TRPM1: variants seen among roughly 807,000 people sequenced by gnomAD.
TRPM1 encodes the protein TRPM1-203 APA Isoform, Intron 10.
In TRPM1, 113 loss-of-function variants were observed where a neutral mutation model predicts 149.4. That is an observed-to-expected ratio of 0.76 (90% CI 0.65 to 0.88). The LOEUF (loss-of-function observed/expected upper bound fraction) is 0.88. Ranked by LOEUF, TRPM1 falls within the 40% of genes least tolerant of loss-of-function variation. TRPM1 has a pLI of 0.00. For missense variants in TRPM1, 1,976 were observed against 2,038.7 expected (o/e 0.97, Z 0.59); for synonymous variants, 741 against 759.5 (o/e 0.98, Z 0.40).
At chr15:31,128,183 G>A (rs1043131138) in intron 1 of TRPM1, among the ~76,000 whole-genome samples, 1 of 152,106 alleles carries the variant, frequency 6.6e-6, no homozygotes. Flanking sequence ...ACTGTCTCTG[G>A]GGGCAACCAA....
Position 31,021,687 on chromosome 15 carries a change from C to T in TRPM1, c.3629+4452G>A, listed in dbSNP as rs77343417. Among the ~76,000 whole-genome samples, 889 of 149,518 alleles carry T rather than the reference C, an allele frequency of 5.9e-3. 8 individuals are homozygous for T. The highest frequency in any genetic ancestry group is 0.021 in the African/African-American group (839 of 40,484). On this transcript the variant is annotated intron_variant, in intron 27 of 27. Transcript: ENST00000256552. ...CTCCAGCCTGGGCAACAAAGCAGTA[C>T]CCTGTCTCTAGAATTAAAAAAAAAA...
intron 1 of TRPM1, among the ~76,000 whole-genome samples, chr15:31,147,562 T>C (rs1165513227): frequency 6.6e-6 from 1 of 152,188 alleles, no homozygotes; most frequent in East Asian, 1.9e-4. Context: ...GAACTGGGGT[T>C]TGGACTAAGG....
chr15:31,143,399 G>T (rs1040376912), intron 1 of TRPM1, among the ~76,000 whole-genome samples: 16 of 151,992 alleles, frequency 1.1e-4, no homozygotes, highest in South Asian at 2.1e-4. Flanking sequence ...TTGTTTTGTT[G>T]TGTTTTGTTT....
intron 1 of TRPM1, among the ~76,000 whole-genome samples, chr15:31,146,902 C>T (rs185803492): frequency 1.3e-5 from 2 of 152,016 alleles, no homozygotes; most frequent in East Asian, 1.9e-4. Flanking sequence ...GCAGGAGAAT[C>T]GCTTGAACCC....
chr15:31,113,979 C>T (rs1432624446), intron 1 of TRPM1, among the ~76,000 whole-genome samples: 1 of 152,122 alleles, frequency 6.6e-6, no homozygotes, highest in Non-Finnish European at 1.5e-5. Flanking sequence ...CTGATTGGTC[C>T]ATTTTACAGA....
At position 31,156,870 on chromosome 15, in the gene TRPM1, A is replaced by T. The variant is rs1304847640; in HGVS notation, c.54+4036T>A. On this transcript the variant is annotated intron_variant, in intron 1 of 26. Coordinates refer to the TRPM1 transcript ENST00000542188. ...AACCATCTCCACTTTGAAGAGATGTATGTATTTATTTTGGATTTCCCTTGT... is the reference window on the plus strand; with the variant it reads ...AACCATCTCCACTTTGAAGAGATGTTTGTATTTATTTTGGATTTCCCTTGT... Among the ~76,000 whole-genome samples the T allele has an allele frequency of 3.3e-5, 5 of 152,156 alleles. No homozygotes were observed. In the East Asian group the frequency reaches 9.6e-4, roughly 29 times the overall value.
rs575940692 is a variant in TRPM1 at position 31,013,428 on chromosome 15, T to C, written c.3630-10358A>G. ...CTTATTTGGTGAAAAATCCTTCTCATACTTTCCTTTAGTTCTTTAGAGATG... is the reference window on the plus strand; with the variant it reads ...CTTATTTGGTGAAAAATCCTTCTCACACTTTCCTTTAGTTCTTTAGAGATG... On this transcript the variant is annotated intron_variant, in intron 27 of 27. Transcript: ENST00000256552. Among the ~76,000 whole-genome samples, 19 of 152,284 alleles carry C rather than the reference T, an allele frequency of 1.2e-4. No individual in the cohort carries two copies. In the South Asian group the frequency reaches 3.9e-3, roughly 32 times the overall value.
chr15:31,048,514 T>C (rs1417912076), intron 13 of TRPM1, among the ~76,000 whole-genome samples: 2 of 152,130 alleles, frequency 1.3e-5, no homozygotes, highest in African/African-American at 4.8e-5. Flanking sequence ...ATTCATCAAG[T>C]TGGCCAGAAT....
intron 1 of TRPM1, among the ~76,000 whole-genome samples, chr15:31,157,018 T>G (rs2036387468): frequency 6.6e-6 from 1 of 151,798 alleles, no homozygotes; most frequent in Non-Finnish European, 1.5e-5. Flanking sequence ...GCTCAAGTAG[T>G]CCTCCCACCT....
At chr15:31,041,915 T>A (rs2033627866) in intron 17 of TRPM1, 36 bp downstream of exon 17, 11 of 1,612,558 alleles carry the variant, frequency 6.8e-6, no homozygotes, top group Non-Finnish European at 9.3e-6. Context: ...AGGATGGTCA[T>A]CTCTCCTGGC....
intron 1 of TRPM1, among the ~76,000 whole-genome samples, chr15:31,138,232 CA>C (rs2036115581): frequency 6.6e-6 from 1 of 152,100 alleles, no homozygotes; most frequent in South Asian, 2.1e-4. Context: ...GCCGCCCTCA[CA>C]AAGATTTTGA....
chr15:31,122,015 G>A (rs1304907309), intron 1 of TRPM1, among the ~76,000 whole-genome samples: 1 of 152,142 alleles, frequency 6.6e-6, no homozygotes, highest in African/African-American at 2.4e-5. Context: ...TCCCAGATAT[G>A]CAAGGCTGAT....
In TRPM1 at chr15:31,131,493, C is replaced by T. The variant is rs150346898; in HGVS notation, c.54+29413G>A. Among the ~76,000 whole-genome samples, 12 of 152,282 alleles carry T rather than the reference C, an allele frequency of 7.9e-5. No homozygotes were observed. In the East Asian group the frequency reaches 1.5e-3, roughly 20 times the overall value. ...GTCGCACTTCAAACTGCCAAAGTTTCGGCCACCATGTGCGATAAGAGCTTA... is the reference window on the plus strand; with the variant it reads ...GTCGCACTTCAAACTGCCAAAGTTTTGGCCACCATGTGCGATAAGAGCTTA... On this transcript the variant is annotated intron_variant, in intron 1 of 26. Transcript: ENST00000542188.
chr15:31,148,432 T>A (rs763101256), intron 1 of TRPM1, among the ~76,000 whole-genome samples: 1 of 152,128 alleles, frequency 6.6e-6, no homozygotes, highest in African/African-American at 2.4e-5. Context: ...GAACGCTCCA[T>A]CCTGATTATG....
chr15:31,038,229 A>G, intron 18 of TRPM1, 63 bp from the exon 19 acceptor site: 1 of 1,582,308 alleles, frequency 6.3e-7, no homozygotes, highest in South Asian at 1.1e-5. Flanking sequence ...CAGCATAGTT[A>G]AAATTTTTAA....
chr15:31,041,353 T>C (rs564990416), intron 17 of TRPM1, among the ~76,000 whole-genome samples: 34 of 152,228 alleles, frequency 2.2e-4, no homozygotes, highest in Admixed American at 2.0e-3. Context: ...GGTTTCACCA[T>C]GTTAGCCAGG....
intron 1 of TRPM1, among the ~76,000 whole-genome samples, chr15:31,137,483 A>G (rs1164893717): frequency 6.6e-6 from 1 of 152,212 alleles, no homozygotes; most frequent in Non-Finnish European, 1.5e-5. Context: ...GTGAACACAA[A>G]ACTGGTTATC....
At chr15:31,021,793 G>A (rs2140892212) in intron 27 of TRPM1, among the ~76,000 whole-genome samples, 1 of 151,298 alleles carries the variant, frequency 6.6e-6, no homozygotes, top group Middle Eastern at 3.5e-3. Flanking sequence ...GGGGGAATCA[G>A]AAAATGCTAT....
rs1465492944 is a variant in TRPM1, at chr15:31,002,729, C to A, written c.3971G>T (p.Cys1324Phe). ...SPGTGVRKKT[C>F]SFRIKEEKDV... is the part of the protein sequence containing the mutation. ...CTTCTCTTCCTTTATACGGAAGGAA[C>A]AGGTTTTTTTCCTGACTCCTGTCCC... Residue 1324 changes from cysteine (C) to phenylalanine (F), a missense_variant, in exon 28 of 28, where the codon TGT becomes TTT. This residue lies in a region of TRPM1 where 572 missense variants were observed against 578.9 expected (regional missense o/e 0.99). Coordinates refer to ENST00000256552, the MANE Select transcript of TRPM1 (RefSeq NM_001252024.2). The A allele has an allele frequency of 1.2e-6, 2 of 1,614,032 alleles. No individual in the cohort carries two copies. Among genetic ancestry groups the A allele is most frequent in the Non-Finnish European group, 1.7e-6 (2 of 1,180,050 alleles).
Sources: allele counts gnomAD v4.1 joint callset (sites outside exome capture counted in the v4.1 genomes callset), GRCh38; gene constraint gnomAD v4.1.1; regional missense constraint gnomAD v4.1.1; transcripts MANE v1.5; gene names NCBI Gene and HGNC (gene_info 2026-07-23, HGNC 2026-07-21).